C16orf74: variants seen among roughly 807,000 people sequenced by gnomAD.
The protein encoded by C16orf74 is uncharacterized protein C16orf74.
In C16orf74, 10 loss-of-function variants were observed where a neutral mutation model predicts 6.5. The observed-to-expected ratio is 1.54, with a 90% CI of 0.95 to 2.61. The LOEUF (loss-of-function observed/expected upper bound fraction) is 2.61. Among genes scored for constraint, C16orf74 ranks in the 30% most tolerant of loss-of-function variants. The pLI is 0.00. For missense variants in C16orf74, 141 were observed against 105.9 expected, an observed-to-expected ratio of 1.33 and a Z score of -1.45; for synonymous variants, 60 against 42.5, an observed-to-expected ratio of 1.41 and a Z score of -1.60.
At chr16:85,724,947 C>T (rs2054118573) in intron 2 of C16orf74, among the ~76,000 whole-genome samples, 1 of 152,186 alleles carries the variant, frequency 6.6e-6, no homozygotes, top group African/African-American at 2.4e-5. Context: ...GGGTGTAGAC[C>T]AGCCAGGCTG....
intron 2 of C16orf74, among the ~76,000 whole-genome samples, chr16:85,721,583 T>A (rs1204583167): frequency 6.6e-6 from 1 of 152,208 alleles, no homozygotes; most frequent in African/African-American, 2.4e-5. Flanking sequence ...GAAATTCATA[T>A]ATAACTGGGC....
At chr16:85,719,837 G>A (rs1454141331) in intron 2 of C16orf74, among the ~76,000 whole-genome samples, 1 of 144,152 alleles carries the variant, frequency 6.9e-6, no homozygotes, top group Non-Finnish European at 1.5e-5. Context: ...GAACATAGGG[G>A]CCACAGGCCA....
chr16:85,717,317 T>G (rs2054035435), intron 2 of C16orf74, among the ~76,000 whole-genome samples: 1 of 152,206 alleles, frequency 6.6e-6, no homozygotes, highest in South Asian at 2.1e-4. Flanking sequence ...TAACATCACC[T>G]ATCCAGGGCC....
rs1229441020 is a variant in C16orf74, at chr16:85,725,013, C to G, written c.28+10177G>C. Among the ~76,000 whole-genome samples, 4 of 152,232 alleles carry G rather than the reference C, an allele frequency of 2.6e-5. 1 individual carries two copies. The East Asian group carries it at 5.8e-4, about 22-fold the overall frequency. On this transcript the variant is annotated intron_variant, in intron 2 of 3. Transcript: ENST00000284245. Reference sequence around the variant, plus strand: ...TCGTCTCCCACCTGCTGGCCTCCCTCCTTTCGGAGGATATCAGGTGCCGGA... The same window carrying G: ...TCGTCTCCCACCTGCTGGCCTCCCTGCTTTCGGAGGATATCAGGTGCCGGA...
At chr16:85,717,027 G>C (rs890993619) in intron 2 of C16orf74, among the ~76,000 whole-genome samples, 5 of 152,228 alleles carry the variant, frequency 3.3e-5, no homozygotes, top group African/African-American at 1.2e-4. Context: ...GAAGGATGGA[G>C]CCTGTGCAGG....
chr16:85,726,125 C>T (rs2054130385), intron 2 of C16orf74, among the ~76,000 whole-genome samples: 1 of 152,184 alleles, frequency 6.6e-6, no homozygotes, highest in Non-Finnish European at 1.5e-5. Context: ...GAGAACCCCT[C>T]ACCTTGCCTC....
intron 1 of C16orf74, among the ~76,000 whole-genome samples, chr16:85,750,611 T>C (rs2054426634): frequency 6.6e-6 from 1 of 152,190 alleles, no homozygotes; most frequent in African/African-American, 2.4e-5. Context: ...CCCAAGGAAC[T>C]CGTGACGGCG....
chr16:85,748,099 T>C (rs1338198169), intron 1 of C16orf74, among the ~76,000 whole-genome samples: 1 of 64,676 alleles, frequency 1.5e-5, no homozygotes, highest in African/African-American at 3.4e-5. Flanking sequence ...AAAATATATA[T>C]ATATATACAT....
rs184420219 is a variant in C16orf74, at chr16:85,724,869, C to T, written c.28+10321G>A. Among the ~76,000 whole-genome samples, 295 of 152,290 alleles carry T rather than the reference C, an allele frequency of 1.9e-3. 1 individual carries two copies. Among genetic ancestry groups the T allele is most frequent in the African/African-American group, 6.5e-3 (270 of 41,560 alleles). On this transcript the variant is annotated intron_variant, in intron 2 of 3. Coordinates refer to ENST00000284245, the MANE Select transcript of C16orf74 (RefSeq NM_206967.3). ...AAAGACAGCGTGGTTCCTGACCTCA[C>T]GGATCCAGGAGTGTGAGGAGGAGAA...
chr16:85,743,072 G>C (rs1477894623), intron 1 of C16orf74, among the ~76,000 whole-genome samples: 1 of 152,182 alleles, frequency 6.6e-6, no homozygotes, highest in Non-Finnish European at 1.5e-5. Flanking sequence ...CTGTTGTGTT[G>C]GGGGTGAATT....
At chr16:85,739,389 C>T (rs1352936239) in intron 1 of C16orf74, among the ~76,000 whole-genome samples, 1 of 152,172 alleles carries the variant, frequency 6.6e-6, no homozygotes, top group Non-Finnish European at 1.5e-5. Context: ...CATGTCTCAA[C>T]CCAGGGTTTG....
chr16:85,742,404 G>A (rs2054318946), intron 1 of C16orf74, among the ~76,000 whole-genome samples: 1 of 152,120 alleles, frequency 6.6e-6, no homozygotes, highest in African/African-American at 2.4e-5. Flanking sequence ...CACCTTCCCT[G>A]CTTCCCACTT....
chr16:85,740,624 G>A (rs1343629796), intron 1 of C16orf74, among the ~76,000 whole-genome samples: 3 of 151,300 alleles, frequency 2.0e-5, no homozygotes, highest in African/African-American at 4.9e-5. Context: ...CCCGGGAGGC[G>A]GAGCTTGCAG....
At chr16:85,749,132 C>G (rs1003343280) in intron 1 of C16orf74, among the ~76,000 whole-genome samples, 2 of 151,314 alleles carry the variant, frequency 1.3e-5, no homozygotes, top group African/African-American at 4.9e-5. Flanking sequence ...ACTTAGCAGG[C>G]CCAGAGGCCT....
intron 2 of C16orf74, among the ~76,000 whole-genome samples, chr16:85,724,664 T>C (rs1598791556): frequency 6.6e-6 from 1 of 151,996 alleles, no homozygotes; most frequent in African/African-American, 2.4e-5. Context: ...ATGATGGGAA[T>C]CATGGGGATG....
At chr16:85,729,887 CAAT>C (rs2152062616) in intron 2 of C16orf74, among the ~76,000 whole-genome samples, 1 of 152,258 alleles carries the variant, frequency 6.6e-6, no homozygotes, top group African/African-American at 2.4e-5. Flanking sequence ...GATTTCAGAA[CAAT>C]GAGAGAATAA....
chr16:85,743,094 G>A (rs2054328359), intron 1 of C16orf74, among the ~76,000 whole-genome samples: 1 of 152,180 alleles, frequency 6.6e-6, no homozygotes, highest in Non-Finnish European at 1.5e-5. Flanking sequence ...ATGTGGGAGT[G>A]TGGAGAGCCC....
chr16:85,721,186 A>G (rs181687795), intron 2 of C16orf74, among the ~76,000 whole-genome samples: 1 of 152,224 alleles, frequency 6.6e-6, no homozygotes, highest in Non-Finnish European at 1.5e-5. Flanking sequence ...CTCATCCCTA[A>G]AATGGAAACA....
intron 2 of C16orf74, among the ~76,000 whole-genome samples, chr16:85,717,856 G>T (rs377444799): frequency 3.3e-5 from 5 of 152,178 alleles, no homozygotes; most frequent in African/African-American, 1.2e-4. Flanking sequence ...CCATTGCTGG[G>T]ATCCGCAGCC....
Sources: gnomAD v4.1 joint callset for allele counts (sites outside exome capture counted in the v4.1 genomes callset) on GRCh38, gnomAD v4.1.1 for gene constraint, MANE v1.5 for transcripts, NCBI Gene and HGNC (gene_info 2026-07-23, HGNC 2026-07-21) for gene names.